The following NXN variants were observed in gnomAD, a reference collection of about 807,000 sequenced individuals.
NXN encodes nucleoredoxin 1.
A neutral mutation model predicts 48.6 loss-of-function variants in NXN; 16 were observed. The observed-to-expected ratio is 0.33, with a 90% CI of 0.22 to 0.50. The LOEUF (loss-of-function observed/expected upper bound fraction) is 0.50. Among genes scored for constraint, NXN ranks in the 20% least tolerant of loss-of-function variants. The pLI is 0.98. For synonymous variants in NXN, 281 were observed against 269.6 expected, an observed-to-expected ratio of 1.04 and a Z score of -0.41; for missense variants, 492 against 605.5, an observed-to-expected ratio of 0.81 and a Z score of 1.97.
intron 1 of NXN, among the ~76,000 whole-genome samples, chr17:962,214 A>G (rs1213980000): frequency 6.6e-6 from 1 of 152,178 alleles, no homozygotes; most frequent in African/African-American, 2.4e-5. Flanking sequence ...TTTTGACATC[A>G]TATTTGTACA....
At chr17:914,387 C>T (rs1048632939) in intron 1 of NXN, among the ~76,000 whole-genome samples, 1 of 152,004 alleles carries the variant, frequency 6.6e-6, no homozygotes, top group African/African-American at 2.4e-5. Flanking sequence ...CCAGGCTGGT[C>T]TCAAACTCCT....
chr17:910,081 C>T (rs2068621349), intron 1 of NXN: 1 of 152,172 alleles, frequency 6.6e-6, no homozygotes, highest in African/African-American at 2.4e-5. Flanking sequence ...GTTGAAGCAA[C>T]ATCCTACACC....
In NXN at chr17:841,446, C is replaced by A. The variant is rs562138274; in HGVS notation, c.361-15368G>T. Reference sequence around the variant, plus strand: ...GCATCTCACACGGGCGAGCAGGTCCCCCTGACCACGGCGCATCTCACACGG... The same window carrying A: ...GCATCTCACACGGGCGAGCAGGTCCACCTGACCACGGCGCATCTCACACGG... On this transcript the variant is annotated intron_variant, in intron 1 of 7. Transcript: ENST00000336868. Among the ~76,000 whole-genome samples, 45 of 30,758 alleles carry A rather than the reference C, an allele frequency of 1.5e-3. 1 individual carries two copies. Among genetic ancestry groups the A allele is most frequent in the East Asian group, 1.9e-3 (2 of 1,038 alleles). 20.2% of individuals were successfully genotyped at this position (30,758 alleles called of 152,430 possible). A position where few individuals can be genotyped will look rare whatever the true frequency, so the allele number is the denominator to read the frequency against.
intron 1 of NXN, among the ~76,000 whole-genome samples, chr17:857,032 C>T (rs918208343): frequency 5.3e-5 from 8 of 152,192 alleles, no homozygotes; most frequent in South Asian, 4.1e-4. Flanking sequence ...CCCCACTTCT[C>T]GGTACCAATT....
intron 1 of NXN, among the ~76,000 whole-genome samples, chr17:960,337 C>G (rs1700804147): frequency 6.6e-6 from 1 of 152,116 alleles, no homozygotes; most frequent in Non-Finnish European, 1.5e-5. Context: ...CCAGCAAAAA[C>G]TTTTAACCGC....
At chr17:881,146 G>A (rs943871076) in intron 1 of NXN, among the ~76,000 whole-genome samples, 3 of 152,236 alleles carry the variant, frequency 2.0e-5, no homozygotes, top group Admixed American at 1.3e-4. Flanking sequence ...ATTTCACACT[G>A]ACTAGAATAG....
intron 1 of NXN, among the ~76,000 whole-genome samples, chr17:879,025 T>C (rs1431912248): frequency 1.3e-5 from 2 of 151,630 alleles, no homozygotes; most frequent in East Asian, 2.0e-4. Flanking sequence ...ACTAGCCAGG[T>C]GTGGTGGCAG....
chr17:931,654 G>A (rs2068854909), intron 1 of NXN, among the ~76,000 whole-genome samples: 1 of 149,228 alleles, frequency 6.7e-6, no homozygotes, highest in Non-Finnish European at 1.5e-5. Flanking sequence ...GGCTAACACA[G>A]TGAAACCCTG....
intron 1 of NXN, among the ~76,000 whole-genome samples, chr17:846,071 G>A (rs905279647): frequency 6.6e-6 from 1 of 151,326 alleles, no homozygotes; most frequent in Non-Finnish European, 1.5e-5. Context: ...GACAGAGCGA[G>A]ACTGCATCTC....
chr17:816,384 A>G (rs1345835884), intron 5 of NXN, among the ~76,000 whole-genome samples: 2 of 152,002 alleles, frequency 1.3e-5, no homozygotes, highest in African/African-American at 2.4e-5. Flanking sequence ...GGACCAGGCC[A>G]GGTCTATCCT....
intron 1 of NXN, among the ~76,000 whole-genome samples, chr17:913,053 G>T (rs996748389): frequency 6.6e-6 from 1 of 152,132 alleles, no homozygotes; most frequent in African/African-American, 2.4e-5. Flanking sequence ...TCACCCTAGG[G>T]TTTATCATTT....
Position 837,494 on chromosome 17 carries a change from G to C in NXN, c.361-11416C>G, listed in dbSNP as rs78760834. Among the ~76,000 whole-genome samples the C allele has an allele frequency of 7.8e-3, 1,195 of 152,308 alleles. 11 individuals carry two copies. Among genetic ancestry groups the C allele is most frequent in the East Asian group, 0.029 (148 of 5,182 alleles). On this transcript the variant is annotated intron_variant, in intron 1 of 7. Transcript: ENST00000336868. ...ATAGATGAACAACAAATGAACAGAG[G>C]AAGGGAGAGAGGAATCACCGTCCTA...
chr17:812,803 T>A (rs548464654), intron 5 of NXN, among the ~76,000 whole-genome samples: 3 of 147,808 alleles, frequency 2.0e-5, no homozygotes, highest in Non-Finnish European at 3.0e-5. Flanking sequence ...TGTGTGTGCG[T>A]GAGTGTAGGT....
In NXN at chr17:932,458, G is replaced by A. The variant is rs930619751; in HGVS notation, c.360+46861C>T. Among the ~76,000 whole-genome samples, 4 of 152,172 alleles carry A rather than the reference G, an allele frequency of 2.6e-5. No homozygotes were observed. The highest frequency in any genetic ancestry group is 2.1e-4 in the South Asian group (1 of 4,832). On this transcript the variant is annotated intron_variant, in intron 1 of 7. Transcript: ENST00000336868. The surrounding 1 kb of genome is among the most constrained non-coding windows in gnomAD (Gnocchi z 4.1). ...CTGGTTATTCATCAGTTTGGAAACCGCAGGTCTTCAGCAAAACAAAACTCT... is the reference window on the plus strand; with the variant it reads ...CTGGTTATTCATCAGTTTGGAAACCACAGGTCTTCAGCAAAACAAAACTCT...
intron 1 of NXN, among the ~76,000 whole-genome samples, chr17:971,248 G>A (rs1173002291): frequency 6.6e-6 from 1 of 151,894 alleles, no homozygotes; most frequent in African/African-American, 2.4e-5. Context: ...GCGTGGCCGA[G>A]TCTCTTTTAA....
chr17:876,051 T>G lies in NXN; in HGVS notation c.361-49973A>C, dbSNP rs552350943. Among the ~76,000 whole-genome samples the G allele has an allele frequency of 1.2e-3, 184 of 151,928 alleles. 1 individual carries two copies. The highest frequency in any genetic ancestry group is 4.2e-3 in the African/African-American group (174 of 41,442). On this transcript the variant is annotated intron_variant, in intron 1 of 7. Coordinates refer to ENST00000336868, the MANE Select transcript of NXN (RefSeq NM_022463.5). ...ATAAAATTAGCCGGGCGTGGTGGCG[T>G]GCACCTGTAATCCCAGGTACCTGGG...
At chr17:942,632 T>C (rs1307294320) in intron 1 of NXN, among the ~76,000 whole-genome samples, 2 of 87,490 alleles carry the variant, frequency 2.3e-5, no homozygotes, top group Admixed American at 1.4e-4. Context: ...GATTCCAGGG[T>C]GCAGCCATGA....
chr17:934,976 C>CT (rs1034827136), intron 1 of NXN, among the ~76,000 whole-genome samples: 1 of 138,250 alleles, frequency 7.2e-6, no homozygotes, highest in African/African-American at 2.7e-5. Flanking sequence ...TTGCTGTGCT[C>CT]TTTATTTTTT....
At chr17:885,261 G>T (rs535284650) in intron 1 of NXN, among the ~76,000 whole-genome samples, 2 of 152,218 alleles carry the variant, frequency 1.3e-5, no homozygotes, top group African/African-American at 4.8e-5. Flanking sequence ...CAGAGGTTGA[G>T]ACCAGCCTGG....
Sources: gnomAD v4.1 joint callset for allele counts (sites outside exome capture counted in the v4.1 genomes callset) on GRCh38, gnomAD v4.1.1 for gene constraint, Gnocchi (gnomAD v3.1) non-coding constraint, MANE v1.5 for transcripts, NCBI Gene and HGNC (gene_info 2026-07-23, HGNC 2026-07-21) for gene names.